Variants in MAPRE2 observed in about 807,000 individuals in gnomAD.
MAPRE2 encodes the protein microtubule-associated protein RP/EB family member 2.
In MAPRE2, 13 loss-of-function variants were observed where a neutral mutation model predicts 43.2. The ratio of observed to expected loss-of-function variants is 0.30; its 90% CI spans 0.20 to 0.48. The LOEUF (loss-of-function observed/expected upper bound fraction) is 0.48. Ranked by LOEUF, MAPRE2 falls within the 20% of genes least tolerant of loss-of-function variation. MAPRE2 has a pLI of 0.99. For missense variants in MAPRE2, 161 were observed against 400.2 expected, an observed-to-expected ratio of 0.40 and a Z score of 5.10; for synonymous variants, 135 against 148.8, an observed-to-expected ratio of 0.91 and a Z score of 0.68.
intron 1 of MAPRE2, 148 bp downstream of exon 1, chr18:35,041,809 T>TC: frequency 6.7e-7 from 1 of 1,484,376 alleles, no homozygotes; most frequent in Non-Finnish European, 8.9e-7. Context: ...GGTATCTGTT[T>TC]CCATGTGTCA....
intron 2 of MAPRE2, among the ~76,000 whole-genome samples, chr18:35,026,135 G>A (rs1312800423): frequency 6.6e-6 from 1 of 152,182 alleles, no homozygotes; most frequent in East Asian, 1.9e-4. Context: ...TGAGAGGAAG[G>A]AGCGTGTCTG....
chr18:34,999,158 C>A (rs1471965574), intron 1 of MAPRE2, among the ~76,000 whole-genome samples: 5 of 152,272 alleles, frequency 3.3e-5, no homozygotes, highest in Admixed American at 3.3e-4. Flanking sequence ...TGCATTCTCC[C>A]ACATTTCATT....
At chr18:35,083,688 TA>T (rs1376711247) in intron 2 of MAPRE2, among the ~76,000 whole-genome samples, 16 of 152,154 alleles carry the variant, frequency 1.1e-4, no homozygotes. Flanking sequence ...ATGAGCACAT[TA>T]TCCTACAAGA....
At chr18:34,980,368 G>T (rs1020377088) in intron 1 of MAPRE2, among the ~76,000 whole-genome samples, 12 of 152,078 alleles carry the variant, frequency 7.9e-5, no homozygotes, top group African/African-American at 2.9e-4. Context: ...CACACAGCAA[G>T]CACTCAATAT....
chr18:35,062,203 G>A (rs1191243931), intron 1 of MAPRE2, among the ~76,000 whole-genome samples: 1 of 152,146 alleles, frequency 6.6e-6, no homozygotes, highest in South Asian at 2.1e-4. Context: ...ATTCCCCTCC[G>A]GAGGATAACA....
intron 1 of MAPRE2, among the ~76,000 whole-genome samples, chr18:35,062,667 G>A (rs1906592576): frequency 6.6e-6 from 1 of 152,154 alleles, no homozygotes; most frequent in African/African-American, 2.4e-5. Context: ...TCCCCTGTTG[G>A]CATGTGTAGA....
chr18:35,007,212 C>A (rs983358506), intron 2 of MAPRE2, among the ~76,000 whole-genome samples: 1 of 152,104 alleles, frequency 6.6e-6, no homozygotes, highest in African/African-American at 2.4e-5. Flanking sequence ...GTCCATATGT[C>A]GGGTCTGTAT....
chr18:35,053,219 C>A (rs1228151943), intron 1 of MAPRE2, among the ~76,000 whole-genome samples: 3 of 151,908 alleles, frequency 2.0e-5, no homozygotes, highest in African/African-American at 4.8e-5. Flanking sequence ...CATGGTGAAA[C>A]CCCATCTCTA....
intron 1 of MAPRE2, among the ~76,000 whole-genome samples, chr18:35,058,759 A>G (rs983755048): frequency 5.3e-5 from 8 of 150,620 alleles, no homozygotes; most frequent in Non-Finnish European, 1.0e-4. Flanking sequence ...GTGAAAATGT[A>G]AAATGAGATC....
At chr18:35,006,208 C>T (rs978825065) in intron 2 of MAPRE2, among the ~76,000 whole-genome samples, 3 of 152,100 alleles carry the variant, frequency 2.0e-5, no homozygotes, top group Admixed American at 6.5e-5. Flanking sequence ...CAGAGAGGTC[C>T]CAAGCTACAA....
chr18:35,033,985 A>C (rs1449408877), intron 2 of MAPRE2, among the ~76,000 whole-genome samples: 3 of 151,122 alleles, frequency 2.0e-5, no homozygotes, highest in Admixed American at 6.6e-5. Flanking sequence ...GCTACCAATG[A>C]CTTTCTTCAC....
chr18:35,019,795 T>C (rs1568973807), intron 2 of MAPRE2, among the ~76,000 whole-genome samples: 1 of 152,110 alleles, frequency 6.6e-6, no homozygotes, highest in South Asian at 2.1e-4. Context: ...CTCATACCTA[T>C]GTGTCCCCAT....
At chr18:35,139,773 T>G (rs1405540588) in intron 6 of MAPRE2, among the ~76,000 whole-genome samples, 1 of 151,752 alleles carries the variant, frequency 6.6e-6, no homozygotes, top group Non-Finnish European at 1.5e-5. Flanking sequence ...TAACAAAGGG[T>G]CTCCTTCAGG....
chr18:35,140,225 A>G (rs3786314), intron 6 of MAPRE2, 70 bp from the exon 7 acceptor site: 592,729 of 1,395,074 alleles, frequency 0.42, 129,609 homozygotes, highest in Non-Finnish European at 0.46. Context: ...GGCAGTGGCA[A>G]TGGGCTGGGA....
At chr18:35,074,044 C>A (rs1369122178) in intron 2 of MAPRE2, among the ~76,000 whole-genome samples, 2 of 152,070 alleles carry the variant, frequency 1.3e-5, no homozygotes, top group Non-Finnish European at 2.9e-5. Flanking sequence ...TGACAAACAA[C>A]CTTTAAGTTT....
At chr18:35,037,384 T>C (rs1247375040), upstream of MAPRE2, among the ~76,000 whole-genome samples, 3 of 152,366 alleles carry the variant, frequency 2.0e-5, no homozygotes, top group Admixed American at 6.5e-5. Context: ...ATTATTACCC[T>C]ACTTTATCGA....
At chr18:35,031,748 T>G (rs1182414985) in intron 2 of MAPRE2, among the ~76,000 whole-genome samples, 1 of 152,154 alleles carries the variant, frequency 6.6e-6, no homozygotes, top group Non-Finnish European at 1.5e-5. Context: ...ACTTAAAAAT[T>G]CTGCCTTTTG....
In MAPRE2 at chr18:34,996,233, G is replaced by A. The variant is rs944345773; in HGVS notation, c.-69-9259G>A. ...CGGTCCTAAACCTTTTTGGCACCAG[G>A]GACCAGTTTTGTGGAAGACAATTTT... is the stretch of plus-strand genomic sequence containing the variant. On this transcript the variant is annotated intron_variant, in intron 1 of 7. Transcript: ENST00000413393. 2.0e-5 allele frequency among the ~76,000 whole-genome samples: 3 copies of A among 152,036 alleles called. No individual in the cohort carries two copies. The South Asian group carries it at 6.2e-4, about 32-fold the overall frequency.
chr18:35,036,472 C>A (rs143049508), upstream of MAPRE2, among the ~76,000 whole-genome samples: 67 of 152,262 alleles, frequency 4.4e-4, 1 homozygote, highest in African/African-American at 1.5e-3. Context: ...AGCTCCTTAG[C>A]TTGGCCATAA....
Sources: gnomAD v4.1 joint callset for allele counts (sites outside exome capture counted in the v4.1 genomes callset) on GRCh38, gnomAD v4.1.1 for gene constraint, MANE v1.5 for transcripts, NCBI Gene and HGNC (gene_info 2026-07-23, HGNC 2026-07-21) for gene names.